Variants in ABTB2 observed in about 807,000 individuals in gnomAD.
The protein encoded by ABTB2 is ankyrin repeat and BTB domain containing 2.
Under a neutral mutation model 104.1 loss-of-function variants are expected in ABTB2, and 56 were observed. That is an observed-to-expected ratio of 0.54 (90% CI 0.43 to 0.67). The LOEUF (loss-of-function observed/expected upper bound fraction) is 0.67. Among genes scored for constraint, ABTB2 ranks in the 30% least tolerant of loss-of-function variants. The pLI is 0.00. For synonymous variants in ABTB2, 606 were observed against 608.2 expected, an observed-to-expected ratio of 1.00 and a Z score of 0.05; for missense variants, 1,279 against 1,407.7, an observed-to-expected ratio of 0.91 and a Z score of 1.46.
At chr11:34,253,684 A>G (rs938215867) in intron 1 of ABTB2, among the ~76,000 whole-genome samples, 1 of 152,072 alleles carries the variant, frequency 6.6e-6, no homozygotes, top group Non-Finnish European at 1.5e-5. Flanking sequence ...TCAAAAAAAA[A>G]AAAAAAATTT....
intron 1 of ABTB2, among the ~76,000 whole-genome samples, chr11:34,334,827 C>T (rs183050682): frequency 4.0e-5 from 6 of 149,852 alleles, no homozygotes; most frequent in Admixed American, 2.0e-4. Flanking sequence ...GTAATTAAAA[C>T]TGAGGCCTTT....
chr11:34,338,685 A>T (rs528918120), intron 1 of ABTB2, among the ~76,000 whole-genome samples: 54 of 152,342 alleles, frequency 3.5e-4, no homozygotes, highest in African/African-American at 1.2e-3. Context: ...CCTGGATGAC[A>T]GAGGGAGACT....
chr11:34,271,513 AG>A (rs954088145), intron 1 of ABTB2, among the ~76,000 whole-genome samples: 1 of 152,092 alleles, frequency 6.6e-6, no homozygotes, highest in Non-Finnish European at 1.5e-5. Flanking sequence ...CCAAGATGGG[AG>A]GATTGCTTGA....
intron 3 of ABTB2, among the ~76,000 whole-genome samples, chr11:34,174,932 G>A (rs796766258): frequency 2.2e-4 from 34 of 152,374 alleles, no homozygotes; most frequent in African/African-American, 7.7e-4. Context: ...AATTAAGCCA[G>A]GGAGCGGGCA....
In ABTB2 at chr11:34,162,723, C is replaced by T. The variant is rs1201887306; in HGVS notation, c.2071G>A (p.Val691Met). 3 of 1,611,844 alleles carry T rather than the reference C, an allele frequency of 1.9e-6. No individual in the cohort carries two copies. The highest frequency in any genetic ancestry group is 1.7e-6 in the Non-Finnish European group (2 of 1,180,046). ...TGGCTCGACGCATCACTTTCCTCCACACCCTCGGCCAGGATCTCCTCCAGG... is the reference window on the plus strand; with the variant it reads ...TGGCTCGACGCATCACTTTCCTCCATACCCTCGGCCAGGATCTCCTCCAGG... ...LSLEEILAEG[V>M]EESDASSQGS... The change falls in exon 10 of 17, where the codon GTG (valine) becomes ATG (methionine). Residue 691 changes from valine to methionine, a missense_variant. Val to Met is a conservative substitution (Grantham distance 21, BLOSUM62 1). Coordinates refer to ENST00000435224, the MANE Select transcript of ABTB2 (RefSeq NM_145804.3).
intron 9 of ABTB2, among the ~76,000 whole-genome samples, chr11:34,163,548 ACCT>A (rs1482818902): frequency 6.6e-6 from 1 of 151,970 alleles, no homozygotes; most frequent in African/African-American, 2.4e-5. Flanking sequence ...TCATTCTGTC[ACCT>A]CCTGTGGCCT....
At chr11:34,334,226 A>G (rs1855166702) in intron 1 of ABTB2, among the ~76,000 whole-genome samples, 1 of 152,096 alleles carries the variant, frequency 6.6e-6, no homozygotes. Context: ...GACAAAAACA[A>G]CCCTGTCTTT....
chr11:34,340,655 C>T (rs989000235), intron 1 of ABTB2, among the ~76,000 whole-genome samples: 1 of 152,182 alleles, frequency 6.6e-6, no homozygotes, highest in Non-Finnish European at 1.5e-5. Flanking sequence ...CTCTGTTAGA[C>T]TCAGCCAAAG....
intron 1 of ABTB2, among the ~76,000 whole-genome samples, chr11:34,262,845 A>C (rs1382969431): frequency 6.6e-6 from 1 of 152,180 alleles, no homozygotes; most frequent in African/African-American, 2.4e-5. Flanking sequence ...TCAGGTGCCC[A>C]GGAGGTCAGT....
At chr11:34,191,342 C>T (rs1395078240) in intron 3 of ABTB2, among the ~76,000 whole-genome samples, 1 of 152,218 alleles carries the variant, frequency 6.6e-6, no homozygotes, top group Non-Finnish European at 1.5e-5. Context: ...CGTTCGCTGG[C>T]TCCAGCTCTT....
At chr11:34,174,349 A>T (rs1364495339) in intron 3 of ABTB2, among the ~76,000 whole-genome samples, 1 of 131,612 alleles carries the variant, frequency 7.6e-6, no homozygotes, top group African/African-American at 2.7e-5. Context: ...AAAAAAAAAA[A>T]AGAAAGAAAA....
At chr11:34,161,605 C>T (rs1277883270) in intron 10 of ABTB2, among the ~76,000 whole-genome samples, 2 of 152,178 alleles carry the variant, frequency 1.3e-5, no homozygotes, top group Non-Finnish European at 2.9e-5. Context: ...ACGAGGGGCT[C>T]TCCAGCACAC....
rs1012955121 is a variant in ABTB2 at position 34,214,315 on chromosome 11, C to A, written c.884-9625G>T. Reference sequence around the variant, plus strand: ...TAAAAATGCTTTCTGCCCTACTATGCTTTCCAAACTTTTTATAATGAATAT... The same window carrying A: ...TAAAAATGCTTTCTGCCCTACTATGATTTCCAAACTTTTTATAATGAATAT... On this transcript the variant is annotated intron_variant, in intron 1 of 16. Coordinates refer to ENST00000435224, the MANE Select transcript of ABTB2 (RefSeq NM_145804.3). Among the ~76,000 whole-genome samples the A allele has an allele frequency of 5.3e-5, 8 of 152,202 alleles. No individual in the cohort carries two copies. The South Asian group carries it at 1.5e-3, about 28-fold the overall frequency.
intron 1 of ABTB2, among the ~76,000 whole-genome samples, chr11:34,287,556 TCTC>T (rs767939174): frequency 6.6e-6 from 1 of 152,012 alleles, no homozygotes; most frequent in Non-Finnish European, 1.5e-5. Context: ...AATAAACAGA[TCTC>T]CTCTTTATAT....
intron 1 of ABTB2, among the ~76,000 whole-genome samples, chr11:34,279,758 T>C (rs1167581936): frequency 8.6e-5 from 13 of 151,932 alleles, no homozygotes; most frequent in Non-Finnish European, 1.9e-4. Context: ...CCAGTGACTA[T>C]TCTAAATGCT....
chr11:34,332,880 C>T (rs1047803037), intron 1 of ABTB2, among the ~76,000 whole-genome samples: 1 of 151,054 alleles, frequency 6.6e-6, no homozygotes, highest in Non-Finnish European at 1.5e-5. Context: ...TTCAGGGAGT[C>T]ACAGGACATG....
intron 1 of ABTB2, among the ~76,000 whole-genome samples, chr11:34,298,090 T>G (rs1384245678): frequency 3.3e-5 from 5 of 151,622 alleles, no homozygotes; most frequent in African/African-American, 1.2e-4. Context: ...TGTCTGTTTT[T>G]TTTTTTTTTT....
At chr11:34,210,589 G>A (rs1236141194) in intron 1 of ABTB2, among the ~76,000 whole-genome samples, 1 of 152,032 alleles carries the variant, frequency 6.6e-6, no homozygotes, top group Non-Finnish European at 1.5e-5. Context: ...CATTACGAGC[G>A]CTCTCCCCAG....
At position 34,259,350 on chromosome 11, in the gene ABTB2, G is replaced by A. The variant is rs532803314; in HGVS notation, c.884-54660C>T. 2.0e-5 allele frequency among the ~76,000 whole-genome samples: 3 copies of A among 152,300 alleles called. No individual in the cohort carries two copies. In the South Asian group the frequency reaches 6.2e-4, roughly 32 times the overall value. ...GTGGTGATTTTATAGCAGGAATAAAGCAGGGAAGATAAGGGAGGAAATGTA... is the reference window on the plus strand; with the variant it reads ...GTGGTGATTTTATAGCAGGAATAAAACAGGGAAGATAAGGGAGGAAATGTA... On this transcript the variant is annotated intron_variant, in intron 1 of 16. Transcript: ENST00000435224.
Sources: gnomAD v4.1 joint callset for allele counts (sites outside exome capture counted in the v4.1 genomes callset) on GRCh38, gnomAD v4.1.1 for gene constraint, MANE v1.5 for transcripts, NCBI Gene and HGNC (gene_info 2026-07-23, HGNC 2026-07-21) for gene names.